ST6GALNAC3: variants seen among roughly 807,000 people sequenced by gnomAD.
ST6GALNAC3 encodes the protein ST6 N-acetylgalactosaminide alpha-2,6-sialyltransferase 3.
In ST6GALNAC3, 25 loss-of-function variants were observed where a neutral mutation model predicts 32.7. The ratio of observed to expected loss-of-function variants is 0.76; its 90% confidence interval spans 0.56 to 1.07. ST6GALNAC3 has a LOEUF of 1.07. Among genes scored for constraint, ST6GALNAC3 ranks in the 50% least tolerant of loss-of-function variants. The pLI is 0.00. For synonymous variants in ST6GALNAC3, 129 were observed against 133.1 expected (o/e 0.97, Z 0.21); for missense variants, 355 against 382.4 (o/e 0.93, Z 0.60).
chr1:76,150,482 C>T (rs1254398610), intron 1 of ST6GALNAC3, among the ~76,000 whole-genome samples: 3 of 152,158 alleles, frequency 2.0e-5, no homozygotes, highest in Non-Finnish European at 2.9e-5. Flanking sequence ...TTGCCTTTTT[C>T]CTGTTGATCA....
intron 1 of ST6GALNAC3, among the ~76,000 whole-genome samples, chr1:76,261,800 G>A (rs1006533223): frequency 6.6e-6 from 1 of 152,086 alleles, no homozygotes; most frequent in African/African-American, 2.4e-5. Flanking sequence ...TGCATTATAG[G>A]GACTCCGTAA....
chr1:76,533,249 G>A (rs1052401430), intron 3 of ST6GALNAC3, among the ~76,000 whole-genome samples: 1 of 152,274 alleles, frequency 6.6e-6, no homozygotes, highest in Non-Finnish European at 1.5e-5. Flanking sequence ...AAAAAGTCCT[G>A]TACAAAGAAC....
intron 3 of ST6GALNAC3, among the ~76,000 whole-genome samples, chr1:76,476,121 T>G (rs1659340842): frequency 6.6e-6 from 1 of 152,162 alleles, no homozygotes; most frequent in Admixed American, 6.6e-5. Context: ...TGGGTCGGAA[T>G]TTTTATAAAA....
At chr1:76,341,982 A>G (rs1263144159) in intron 2 of ST6GALNAC3, among the ~76,000 whole-genome samples, 2 of 151,846 alleles carry the variant, frequency 1.3e-5, no homozygotes, top group Non-Finnish European at 2.9e-5. Context: ...TTCCTGTGTT[A>G]GTTTGCTGAG....
At chr1:76,186,435 C>T (rs568164722) in intron 1 of ST6GALNAC3, among the ~76,000 whole-genome samples, 1 of 152,122 alleles carries the variant, frequency 6.6e-6, no homozygotes, top group East Asian at 1.9e-4. Flanking sequence ...GGCTTTTCCT[C>T]CTTCATTCCA....
intron 1 of ST6GALNAC3, among the ~76,000 whole-genome samples, chr1:76,301,693 C>T (rs554626328): frequency 2.6e-5 from 4 of 151,742 alleles, no homozygotes; most frequent in Non-Finnish European, 5.9e-5. Context: ...TTCACTCTAC[C>T]GAGGTTCAAC....
intron 1 of ST6GALNAC3, among the ~76,000 whole-genome samples, chr1:76,295,640 GA>G (rs1464309654): frequency 6.6e-6 from 1 of 152,044 alleles, no homozygotes; most frequent in Non-Finnish European, 1.5e-5. Context: ...ATCAATGGGA[GA>G]AAAATGTATT....
chr1:76,560,589 A>C (rs1022774869), intron 3 of ST6GALNAC3, among the ~76,000 whole-genome samples: 1 of 152,220 alleles, frequency 6.6e-6, no homozygotes, highest in African/African-American at 2.4e-5. Context: ...GTAGTGCTCA[A>C]CATCGCTGAT....
chr1:76,171,448 A>G (rs188646063), intron 1 of ST6GALNAC3, among the ~76,000 whole-genome samples: 33 of 152,258 alleles, frequency 2.2e-4, no homozygotes, highest in Admixed American at 8.5e-4. Flanking sequence ...GGAAGAATTG[A>G]TGGTGATAGA....
intron 3 of ST6GALNAC3, among the ~76,000 whole-genome samples, chr1:76,566,874 A>G (rs1665585359): frequency 6.6e-6 from 1 of 152,168 alleles, no homozygotes; most frequent in Non-Finnish European, 1.5e-5. Flanking sequence ...GTCCTCAATT[A>G]TTATACCCAA....
At position 76,553,986 on chromosome 1, in the gene ST6GALNAC3, G is replaced by A. The variant is rs118129784; in HGVS notation, c.624-73466G>A. On this transcript the variant is annotated intron_variant, in intron 3 of 4. Coordinates refer to ENST00000328299, the MANE Select transcript of ST6GALNAC3 (RefSeq NM_152996.4). ...AATAATGCAATGTTCTGATTGGCTG[G>A]CTTTTTAAAAGATTTCAGAAATTGA... 3.9e-5 allele frequency among the ~76,000 whole-genome samples: 6 copies of A among 152,188 alleles called. No homozygotes were observed. The East Asian group carries it at 9.7e-4, about 25-fold the overall frequency.
chr1:76,224,279 A>T (rs1655945475), intron 1 of ST6GALNAC3, among the ~76,000 whole-genome samples: 1 of 152,128 alleles, frequency 6.6e-6, no homozygotes, highest in African/African-American at 2.4e-5. Context: ...CCTCCTTTAT[A>T]ACACTCATCA....
At chr1:76,285,447 C>G (rs1467501012) in intron 1 of ST6GALNAC3, among the ~76,000 whole-genome samples, 1 of 149,622 alleles carries the variant, frequency 6.7e-6, no homozygotes. Context: ...CATTAGGCAC[C>G]ATAGGTGCGG....
intron 3 of ST6GALNAC3, among the ~76,000 whole-genome samples, chr1:76,612,044 T>C (rs2100671183): frequency 6.6e-6 from 1 of 152,340 alleles, no homozygotes; most frequent in Non-Finnish European, 1.5e-5. Context: ...AATTATTGGG[T>C]AAGGACATGG....
At chr1:76,124,548 A>G (rs1649118231) in intron 1 of ST6GALNAC3, among the ~76,000 whole-genome samples, 2 of 152,152 alleles carry the variant, frequency 1.3e-5, no homozygotes, top group African/African-American at 2.4e-5. Context: ...CTAACAGGGA[A>G]CTGGCTCTGA....
At chr1:76,148,652 T>C (rs1650845904) in intron 1 of ST6GALNAC3, among the ~76,000 whole-genome samples, 1 of 152,224 alleles carries the variant, frequency 6.6e-6, no homozygotes, top group Admixed American at 6.5e-5. Context: ...TGACACTAGC[T>C]TTCCATCTGG....
At chr1:76,089,816 A>C (rs1647019099) in intron 1 of ST6GALNAC3, among the ~76,000 whole-genome samples, 1 of 152,188 alleles carries the variant, frequency 6.6e-6, no homozygotes, top group Non-Finnish European at 1.5e-5. Flanking sequence ...CCTTGGAAAG[A>C]CAATATTATT....
intron 2 of ST6GALNAC3, chr1:76,353,870 C>A (rs1186111781): frequency 6.5e-6 from 1 of 154,220 alleles, no homozygotes; most frequent in Non-Finnish European, 1.4e-5. Context: ...CCCCCTTTAC[C>A]TTCAGAACCC....
intron 3 of ST6GALNAC3, among the ~76,000 whole-genome samples, chr1:76,552,288 G>A (rs1318635734): frequency 2.0e-5 from 3 of 152,104 alleles, no homozygotes; most frequent in Non-Finnish European, 4.4e-5. Flanking sequence ...GACCACTGAG[G>A]GTCTCTCACT....
Sources: gnomAD v4.1 joint callset for allele counts (sites outside exome capture counted in the v4.1 genomes callset) on GRCh38, gnomAD v4.1.1 for gene constraint, MANE v1.5 for transcripts, NCBI Gene and HGNC (gene_info 2026-07-23, HGNC 2026-07-21) for gene names.